RBFOX1: variants seen among roughly 807,000 people sequenced by gnomAD.
The protein encoded by RBFOX1 is RNA binding protein fox-1 homolog 1.
Under a neutral mutation model 57.7 loss-of-function variants are expected in RBFOX1, and 8 were observed. The observed-to-expected ratio is 0.14, with a 90% CI of 0.08 to 0.25. The LOEUF (loss-of-function observed/expected upper bound fraction) is 0.25, where lower values mean the gene tolerates loss of function less well. RBFOX1 is among the 10% of genes least tolerant of loss of function. The probability of loss-of-function intolerance (pLI) is 1.00; values close to 1 mark genes in which losing one functional copy is unlikely to be tolerated. For synonymous variants in RBFOX1, 326 were observed against 222.4 expected (o/e 1.47, Z -4.15); for missense variants, 611 against 548.5 (o/e 1.11, Z -1.14).
intron 1 of RBFOX1, among the ~76,000 whole-genome samples, chr16:6,183,279 G>T (rs968040488): frequency 4.6e-5 from 7 of 151,946 alleles, no homozygotes; most frequent in African/African-American, 1.5e-4. Flanking sequence ...AGGAGATCGA[G>T]ACCATCCTGG....
chr16:7,172,045 C>T (rs2152460692), intron 4 of RBFOX1, among the ~76,000 whole-genome samples: 1 of 150,562 alleles, frequency 6.6e-6, no homozygotes, highest in African/African-American at 2.5e-5. Context: ...TGTCACAATT[C>T]ACATGATATT....
Position 5,241,560 on chromosome 16 carries a change from C to T in RBFOX1, c.219+1455C>T, listed in dbSNP as rs565567659. ...GGTTTGCATCCTGGTAATGCCCCTC[C>T]TTAGCTGGCTGACATGGCACACGCC... is the stretch of plus-strand genomic sequence containing the variant. On this transcript the variant is annotated intron_variant, in intron 1 of 2. Coordinates refer to the RBFOX1 transcript ENST00000585867. Among the ~76,000 whole-genome samples the T allele has an allele frequency of 2.6e-5, 4 of 152,326 alleles. No homozygotes were observed. In the East Asian group the frequency reaches 7.7e-4, roughly 29 times the overall value.
intron 4 of RBFOX1, among the ~76,000 whole-genome samples, chr16:7,138,738 T>G (rs1249667169): frequency 6.6e-6 from 1 of 152,176 alleles, no homozygotes; most frequent in African/African-American, 2.4e-5. Context: ...GCCGTATGCT[T>G]GAGACTTGAA....
chr16:7,663,504 CGTGTGTGTGTGTGT>C (rs57358282), intron 12 of RBFOX1, among the ~76,000 whole-genome samples: 5 of 148,848 alleles, frequency 3.4e-5, no homozygotes, highest in Admixed American at 1.3e-4. Flanking sequence ...GTCAGTACAG[CGTGTGTGTGTGTGT>C]GTGTGTGTGT....
At chr16:6,269,569 A>G (rs1328549440) in intron 1 of RBFOX1, among the ~76,000 whole-genome samples, 4 of 152,236 alleles carry the variant, frequency 2.6e-5, no homozygotes, top group African/African-American at 4.8e-5. Flanking sequence ...CACAGAGTCA[A>G]ATAAGAAATG....
chr16:6,360,051 T>G (rs1600090631), intron 2 of RBFOX1, among the ~76,000 whole-genome samples: 1 of 152,316 alleles, frequency 6.6e-6, no homozygotes, highest in South Asian at 2.1e-4. Context: ...CTGGTTGTGA[T>G]TATGTGAATT....
chr16:7,158,079 T>C (rs1484156443), intron 4 of RBFOX1, among the ~76,000 whole-genome samples: 1 of 152,144 alleles, frequency 6.6e-6, no homozygotes, highest in Admixed American at 6.5e-5. Context: ...CTGGGCGCGG[T>C]AGCTCAAGCC....
intron 4 of RBFOX1, among the ~76,000 whole-genome samples, chr16:7,455,789 AAAAAAAAAAAAAG>A (rs1308376532): frequency 6.6e-6 from 1 of 151,006 alleles, no homozygotes; most frequent in Non-Finnish European, 1.5e-5. Context: ...CCATCTCAAA[AAAAAAAAAAAAAG>A]AAAAAAAAGA....
At chr16:5,945,570 T>C (rs1277607129) in intron 4 of RBFOX1, among the ~76,000 whole-genome samples, 14 of 152,204 alleles carry the variant, frequency 9.2e-5, no homozygotes, top group Non-Finnish European at 4.4e-5. Context: ...GATGTCATCT[T>C]TACAGAAGAG....
At chr16:7,233,055 C>G (rs1473192783) in intron 4 of RBFOX1, among the ~76,000 whole-genome samples, 5 of 152,078 alleles carry the variant, frequency 3.3e-5, no homozygotes, top group African/African-American at 1.2e-4. Flanking sequence ...CTTTTGCTTG[C>G]TCTTGATGTT....
chr16:7,389,939 G>A (rs1294544074), intron 4 of RBFOX1, among the ~76,000 whole-genome samples: 2 of 152,118 alleles, frequency 1.3e-5, no homozygotes, highest in Admixed American at 1.3e-4. Flanking sequence ...CTGAGTCTGG[G>A]TAATTTATAA....
intron 11 of RBFOX1, among the ~76,000 whole-genome samples, chr16:7,633,125 GA>G (rs1172115664): frequency 6.6e-6 from 1 of 152,084 alleles, no homozygotes. Flanking sequence ...TCCAAGGATT[GA>G]AAAAAACAAA....
chr16:5,344,354 T>A (rs968444052), intron 1 of RBFOX1, among the ~76,000 whole-genome samples: 2 of 152,188 alleles, frequency 1.3e-5, no homozygotes, highest in Non-Finnish European at 2.9e-5. Flanking sequence ...TAAGTCTCCC[T>A]CTGTTTTGCT....
chr16:5,950,666 C>T (rs189470996), intron 4 of RBFOX1, among the ~76,000 whole-genome samples: 1 of 152,320 alleles, frequency 6.6e-6, no homozygotes, highest in Admixed American at 6.5e-5. Context: ...CTTACCTGGC[C>T]AAGCTCTTCT....
intron 4 of RBFOX1, among the ~76,000 whole-genome samples, chr16:7,308,313 A>G (rs1443449158): frequency 6.6e-5 from 4 of 60,424 alleles, no homozygotes; most frequent in Non-Finnish European, 1.5e-4. Flanking sequence ...TTTTTTTTCC[A>G]CTGAGTTTAA....
At chr16:6,805,888 C>T (rs866639551) in intron 3 of RBFOX1, among the ~76,000 whole-genome samples, 4 of 152,174 alleles carry the variant, frequency 2.6e-5, no homozygotes, top group African/African-American at 4.8e-5. Context: ...GAATCACTAG[C>T]CTTTACTTTC....
chr16:5,566,799 C>T (rs776236309), intron 2 of RBFOX1, among the ~76,000 whole-genome samples: 1 of 151,978 alleles, frequency 6.6e-6, no homozygotes, highest in Non-Finnish European at 1.5e-5. Context: ...AAATGAGCCA[C>T]GAGACAATTC....
chr16:5,624,873 G>C (rs1229043527), intron 3 of RBFOX1, among the ~76,000 whole-genome samples: 1 of 152,184 alleles, frequency 6.6e-6, no homozygotes, highest in Non-Finnish European at 1.5e-5. Context: ...TGGGAGATGA[G>C]AGGGGCTGTT....
In RBFOX1 at chr16:7,650,428, T is replaced by C. The variant is rs189505901; in HGVS notation, c.758-3387T>C. Among the ~76,000 whole-genome samples, 34 of 151,976 alleles carry C rather than the reference T, an allele frequency of 2.2e-4. No homozygotes were observed. In the South Asian group the frequency reaches 5.8e-3, roughly 26 times the overall value. ...TTTCACAAAATAAGAAGTCCCCCAA[T>C]GTGCCCTGCTTGGGAGAGCCCAAAG... On this transcript the variant is annotated intron_variant, in intron 11 of 15. Transcript: ENST00000550418.
Sources: allele counts gnomAD v4.1 joint callset (sites outside exome capture counted in the v4.1 genomes callset), GRCh38; gene constraint gnomAD v4.1.1; transcripts MANE v1.5; gene names NCBI Gene and HGNC (gene_info 2026-07-23, HGNC 2026-07-21).